The following PDLIM1 variants were observed in gnomAD, a reference collection of about 807,000 sequenced individuals.
The protein encoded by PDLIM1 is PDZ and LIM domain 1, also known as PDZ and LIM domain protein 1.
Under a neutral mutation model 35.2 loss-of-function variants are expected in PDLIM1, and 25 were observed. That is an observed-to-expected ratio of 0.71 (90% CI 0.52 to 0.99). The LOEUF (loss-of-function observed/expected upper bound fraction) is 0.99. Among genes scored for constraint, PDLIM1 ranks in the 50% least tolerant of loss-of-function variants. The pLI is 0.00. For synonymous variants in PDLIM1, 152 were observed against 154.0 expected, an observed-to-expected ratio of 0.99 and a Z score of 0.10; for missense variants, 363 against 415.3, an observed-to-expected ratio of 0.87 and a Z score of 1.09.
chr10:95,274,293 C>CTT (rs11429361), intron 1 of PDLIM1, among the ~76,000 whole-genome samples: 32,402 of 130,404 alleles, frequency 0.25, 4,658 homozygotes, highest in Non-Finnish European at 0.31. Context: ...CACAGTCATC[C>CTT]TTTTTTTTTT....
At chr10:95,269,796 C>T (rs888925125) in intron 2 of PDLIM1, among the ~76,000 whole-genome samples, 5 of 151,964 alleles carry the variant, frequency 3.3e-5, no homozygotes, top group African/African-American at 9.7e-5. Flanking sequence ...CAATGAATGG[C>T]GTGATCTTGG....
At chr10:95,256,292 A>G (rs746511485) in intron 4 of PDLIM1, among the ~76,000 whole-genome samples, 12 of 152,240 alleles carry the variant, frequency 7.9e-5, no homozygotes, top group Non-Finnish European at 1.5e-4. Context: ...TACATCTTCA[A>G]TGCAATCACT....
In PDLIM1 at chr10:95,289,489, G is replaced by T. The variant is rs561087322; in HGVS notation, c.96+1331C>A. On this transcript the variant is annotated intron_variant, in intron 1 of 6. Coordinates refer to ENST00000329399, the MANE Select transcript of PDLIM1 (RefSeq NM_020992.4). Reference sequence around the variant, plus strand: ...AAAAACTGGCCCGCCTACTCTTTTAGGGGGGTGAGATAGAGAAGACCTCCT... The same window carrying T: ...AAAAACTGGCCCGCCTACTCTTTTATGGGGGTGAGATAGAGAAGACCTCCT... Among the ~76,000 whole-genome samples the T allele has an allele frequency of 2.9e-4, 44 of 152,258 alleles. No homozygotes were observed. In the East Asian group the frequency reaches 6.8e-3, roughly 23 times the overall value.
At chr10:95,260,329 T>C (rs1355375709) in intron 4 of PDLIM1, among the ~76,000 whole-genome samples, 1 of 152,212 alleles carries the variant, frequency 6.6e-6, no homozygotes, top group Non-Finnish European at 1.5e-5. Context: ...TTAGGAAGTA[T>C]CAGGCAGTAT....
At chr10:95,287,177 G>A (rs1024576647) in intron 1 of PDLIM1, among the ~76,000 whole-genome samples, 10 of 152,236 alleles carry the variant, frequency 6.6e-5, no homozygotes, top group East Asian at 5.8e-4. Flanking sequence ...AGCTGAAGTC[G>A]CTAATATTTC....
chr10:95,264,827 C>A (rs1043961823), intron 3 of PDLIM1, among the ~76,000 whole-genome samples: 3 of 151,744 alleles, frequency 2.0e-5, no homozygotes, highest in Non-Finnish European at 4.4e-5. Context: ...ATAATTACTA[C>A]AGCTACAACA....
At chr10:95,268,975 C>A in intron 2 of PDLIM1, 113 bp from the exon 3 acceptor site, 1 of 698,954 alleles carries the variant, frequency 1.4e-6, no homozygotes, top group Non-Finnish European at 2.5e-6. Flanking sequence ...AACTAGCACC[C>A]TCCCATCAGC....
At chr10:95,244,870 A>T (rs1280348457) in intron 5 of PDLIM1, among the ~76,000 whole-genome samples, 1 of 152,200 alleles carries the variant, frequency 6.6e-6, no homozygotes, top group Non-Finnish European at 1.5e-5. Context: ...ACTGCACTCC[A>T]GCCTGGGCAA....
In PDLIM1 at chr10:95,247,360, G is replaced by A. The variant is rs2035230400; in HGVS notation, c.540C>T (p.Asp180=). The A allele has an allele frequency of 6.2e-7, 1 of 1,610,732 alleles. No individual in the cohort carries two copies. Among genetic ancestry groups the A allele is most frequent in the African/African-American group, 1.3e-5 (1 of 74,592 alleles). The change falls in exon 5 of 7, where the codon GAC becomes GAT. Residue 180 remains aspartate, a synonymous_variant. Coordinates refer to ENST00000329399, the MANE Select transcript of PDLIM1 (RefSeq NM_020992.4). ...CAAGGCTGCTTGGAGGCTGAGCATG[G>A]TCTAAGCTGTAAAGAATGTTTGAAA... ...SGVEANSRPL[D]HAQPPSSLVI...
chr10:95,285,140 CTT>C (rs1166026393), intron 1 of PDLIM1, among the ~76,000 whole-genome samples: 1 of 152,192 alleles, frequency 6.6e-6, no homozygotes, highest in African/African-American at 2.4e-5. Flanking sequence ...CTCCTCTGCT[CTT>C]GTTCTTCACT....
At chr10:95,264,144 G>T in intron 3 of PDLIM1, 81 bp from the exon 4 acceptor site, 1 of 1,164,644 alleles carries the variant, frequency 8.6e-7, no homozygotes, top group Non-Finnish European at 1.3e-6. Context: ...TGAGCGCCAG[G>T]GAGAGGTGTT....
At chr10:95,256,986 A>AGAAAAGAAAAGAAAAGAAAAGAAAAGG (rs1554832102) in intron 4 of PDLIM1, among the ~76,000 whole-genome samples, 1 of 61,658 alleles carries the variant, frequency 1.6e-5, no homozygotes, top group Non-Finnish European at 3.2e-5. Context: ...AAAAAAAAAA[A>AGAAAAGAAAAGAAAAGAAAAGAAAAGG]AAAGAAAGAA....
At chr10:95,271,905 T>C (rs2035468215) in intron 1 of PDLIM1, 121 bp from the exon 2 acceptor site, 3 of 799,180 alleles carry the variant, frequency 3.8e-6, no homozygotes, top group Non-Finnish European at 5.9e-6. Context: ...GCTGAAATCA[T>C]AGCTTAAATA....
At chr10:95,286,061 A>C (rs1399727070) in intron 1 of PDLIM1, among the ~76,000 whole-genome samples, 2 of 152,224 alleles carry the variant, frequency 1.3e-5, no homozygotes, top group African/African-American at 4.8e-5. Context: ...AGACTAGGAC[A>C]CTCTAACAAT....
intron 2 of PDLIM1, among the ~76,000 whole-genome samples, chr10:95,269,416 AC>A (rs1296776656): frequency 7.2e-5 from 11 of 152,126 alleles, no homozygotes; most frequent in African/African-American, 2.4e-4. Flanking sequence ...CACTAAAAAT[AC>A]AAAAATTAGC....
intron 3 of PDLIM1, among the ~76,000 whole-genome samples, chr10:95,265,533 T>TGC (rs2035406292): frequency 1.4e-5 from 2 of 138,694 alleles, no homozygotes; most frequent in African/African-American, 5.6e-5. Flanking sequence ...AGGCAGAGGT[T>TGC]GCGGTGAGCC....
chr10:95,238,347 T>A (rs1589503473), intron 6 of PDLIM1, among the ~76,000 whole-genome samples: 1 of 131,932 alleles, frequency 7.6e-6, no homozygotes, highest in African/African-American at 2.6e-5. Flanking sequence ...CAGCCCTGAT[T>A]TTTCTCATTT....
chr10:95,241,577 C>A (rs1173259998), intron 5 of PDLIM1, among the ~76,000 whole-genome samples: 1 of 152,166 alleles, frequency 6.6e-6, no homozygotes. Flanking sequence ...GGCAGCCCCA[C>A]AACAAGGACT....
At chr10:95,257,153 G>A (rs1457971098) in intron 4 of PDLIM1, among the ~76,000 whole-genome samples, 1 of 151,786 alleles carries the variant, frequency 6.6e-6, no homozygotes, top group South Asian at 2.1e-4. Flanking sequence ...CAGCACTTTG[G>A]GAGGCCAAGG....
Sources: gnomAD v4.1 joint callset for allele counts (sites outside exome capture counted in the v4.1 genomes callset) on GRCh38, gnomAD v4.1.1 for gene constraint, MANE v1.5 for transcripts, NCBI Gene and HGNC (gene_info 2026-07-23, HGNC 2026-07-21) for gene names.